The following SMURF2 variants were observed in gnomAD, a reference collection of about 807,000 sequenced individuals.
The protein encoded by SMURF2 is E3 ubiquitin-protein ligase SMURF2.
Under a neutral mutation model 109.6 loss-of-function variants are expected in SMURF2, and 48 were observed. The observed-to-expected ratio is 0.44, with a 90% CI of 0.35 to 0.56. The LOEUF is 0.56. Among genes scored for constraint, SMURF2 ranks in the 20% least tolerant of loss-of-function variants. The probability of loss-of-function intolerance (pLI) is 0.01; values close to 1 mark genes in which losing one functional copy is unlikely to be tolerated. For synonymous variants in SMURF2, 288 were observed against 317.1 expected, an observed-to-expected ratio of 0.91 and a Z score of 0.97; for missense variants, 575 against 909.0, an observed-to-expected ratio of 0.63 and a Z score of 4.72.
chr17:64,546,661 A>G (rs570636451), intron 17 of SMURF2, among the ~76,000 whole-genome samples: 3 of 152,248 alleles, frequency 2.0e-5, no homozygotes, highest in African/African-American at 4.8e-5. Flanking sequence ...GGCAAATCCA[A>G]GGTAAAATAC....
chr17:64,599,361 T>G (rs1969861683), intron 2 of SMURF2, among the ~76,000 whole-genome samples: 1 of 152,210 alleles, frequency 6.6e-6, no homozygotes, highest in African/African-American at 2.4e-5. Context: ...ACCTCTTATT[T>G]ACTACGTGGT....
At chr17:64,658,580 T>C (rs545231713) in intron 1 of SMURF2, among the ~76,000 whole-genome samples, 1 of 152,332 alleles carries the variant, frequency 6.6e-6, no homozygotes, top group Non-Finnish European at 1.5e-5. Flanking sequence ...AGAAGCAGCA[T>C]ACAAAAACAT....
chr17:64,578,592 A>ACAC lies in SMURF2; in HGVS notation c.773-19_773-17dup. ...GTCCTCTGTTCTGTAAAATTAATAA[A>ACAC]CACTGATAACAAAAACATTCAGAGT... On this transcript the variant is annotated splice_polypyrimidine_tract_variant and intron_variant, in intron 8 of 18. Transcript: ENST00000262435. 1 of 1,555,596 alleles carries ACAC rather than the reference A, an allele frequency of 6.4e-7. No homozygotes were observed. The highest frequency in any genetic ancestry group is 8.9e-7 in the Non-Finnish European group (1 of 1,126,936).
chr17:64,658,280 C>T (rs1026838134), intron 1 of SMURF2, among the ~76,000 whole-genome samples: 2 of 152,074 alleles, frequency 1.3e-5, no homozygotes, highest in Non-Finnish European at 2.9e-5. Flanking sequence ...TCACTTGAAC[C>T]CGGGAGGTGG....
intron 8 of SMURF2, among the ~76,000 whole-genome samples, chr17:64,580,284 T>C (rs576625751): frequency 6.6e-6 from 1 of 152,338 alleles, no homozygotes; most frequent in Non-Finnish European, 1.5e-5. Flanking sequence ...ATTGTAATCA[T>C]TTTATACAAA....
chr17:64,662,088 C>A lies in SMURF2; in HGVS notation c.-208G>T. 1.2e-5 allele frequency: 13 copies of A among 1,074,778 alleles called. No individual in the cohort carries two copies. The highest frequency in any genetic ancestry group is 1.5e-5 in the Non-Finnish European group (13 of 887,952). The allele number at this position is 1,074,778 out of a possible 1,614,324, so 66.6% of individuals were successfully genotyped here. On this transcript the variant is annotated 5_prime_UTR_variant, in exon 1 of 19. Coordinates refer to ENST00000262435, the MANE Select transcript of SMURF2 (RefSeq NM_022739.4). ...CTCCCCCCTCCTCCCACTTCTCCTT[C>A]CTCGGCCCGGGCCGCACAACAAAGC...
intron 7 of SMURF2, among the ~76,000 whole-genome samples, chr17:64,582,953 C>T (rs545118369): frequency 7.3e-5 from 11 of 151,670 alleles, no homozygotes; most frequent in Non-Finnish European, 1.3e-4. Flanking sequence ...GGTTAGAGTG[C>T]ACGGGCACGA....
chr17:64,551,361 A>G (rs1454743851), intron 16 of SMURF2, among the ~76,000 whole-genome samples: 1 of 152,072 alleles, frequency 6.6e-6, no homozygotes, highest in African/African-American at 2.4e-5. Context: ...TGTCTCAGAA[A>G]AAAAAAAAGA....
intron 10 of SMURF2, among the ~76,000 whole-genome samples, chr17:64,565,879 T>G (rs1437089045): frequency 6.6e-6 from 1 of 151,386 alleles, no homozygotes; most frequent in Non-Finnish European, 1.5e-5. Flanking sequence ...AAAAAAAAAC[T>G]GACTAAAATG....
rs200301288 is a variant in SMURF2, at chr17:64,636,032, C to T, written c.52+25797G>A. On this transcript the variant is annotated intron_variant, in intron 1 of 18. Transcript: ENST00000262435. ...CTTCTAGTGGTCGTGAAGTAGTATCCCATTGTGGTTTTCATTTTCATTTCC... is the reference window on the plus strand; with the variant it reads ...CTTCTAGTGGTCGTGAAGTAGTATCTCATTGTGGTTTTCATTTTCATTTCC... Among the ~76,000 whole-genome samples, 7 of 152,164 alleles carry T rather than the reference C, an allele frequency of 4.6e-5. No individual in the cohort carries two copies. In the East Asian group the frequency reaches 1.4e-3, roughly 29 times the overall value.
chr17:64,556,641 T>TTAC (rs1555684069), intron 13 of SMURF2, among the ~76,000 whole-genome samples: 1 of 152,228 alleles, frequency 6.6e-6, no homozygotes, highest in Non-Finnish European at 1.5e-5. Context: ...TGGGCTATTG[T>TTAC]TACTACAGGG....
intron 3 of SMURF2, chr17:64,594,197 C>G (rs1555687905): frequency 6.6e-6 from 1 of 152,160 alleles, no homozygotes; most frequent in Non-Finnish European, 1.5e-5. Flanking sequence ...CAATTGTTAA[C>G]ATGGCATCAA....
At chr17:64,566,290 AAATT>A (rs1265822651) in intron 10 of SMURF2, among the ~76,000 whole-genome samples, 3 of 147,002 alleles carry the variant, frequency 2.0e-5, no homozygotes, top group Non-Finnish European at 4.6e-5. Context: ...GTATCTCAAT[AAATT>A]GTTTCACATA....
In SMURF2 at chr17:64,566,561, G is replaced by GTTT. The variant is rs1164717270; in HGVS notation, c.1017-3598_1017-3596dup. Among the ~76,000 whole-genome samples, 244 of 43,794 alleles carry GTTT rather than the reference G, an allele frequency of 5.6e-3. 57 individuals are homozygous for GTTT. The highest frequency in any genetic ancestry group is 0.036 in the East Asian group (40 of 1,116). The allele number at this position is 43,794 out of a possible 152,430, so 28.7% of individuals were successfully genotyped here. A position where few individuals can be genotyped will look rare whatever the true frequency, so the allele number is the denominator to read the frequency against. ...GATGTAGAAATGCTTAAGCTTTCTG[G>GTTT]TTTTTTTTTTTTTTTTTTTTTTTTT... On this transcript the variant is annotated intron_variant, in intron 10 of 18. Transcript: ENST00000262435.
At position 64,662,157 on chromosome 17, in the gene SMURF2, G is replaced by T. The variant is rs1970792846; in HGVS notation, c.-277C>A. The T allele has an allele frequency of 9.7e-7, 1 of 1,034,210 alleles. No individual in the cohort carries two copies. The highest frequency in any genetic ancestry group is 1.7e-5 in the African/African-American group (1 of 58,032). The allele number at this position is 1,034,210 out of a possible 1,614,324, so 64.1% of individuals were successfully genotyped here. ...CGCCGCCTCCGCCCGCGCCCCCGCCGCCTCCTCGCGGCCGCCGAGGCCTTT... is the reference window on the plus strand; with the variant it reads ...CGCCGCCTCCGCCCGCGCCCCCGCCTCCTCCTCGCGGCCGCCGAGGCCTTT... On this transcript the variant is annotated 5_prime_UTR_variant, in exon 1 of 19. Transcript: ENST00000262435.
intron 1 of SMURF2, among the ~76,000 whole-genome samples, chr17:64,633,977 C>T (rs535765761): frequency 6.6e-6 from 1 of 152,056 alleles, no homozygotes; most frequent in Admixed American, 6.6e-5. Flanking sequence ...GCCAACATGG[C>T]GAAACTGTCT....
In SMURF2 at chr17:64,575,153, T is replaced by C. The variant is rs1969471473; in HGVS notation, c.858-3197A>G. Among the ~76,000 whole-genome samples the C allele has an allele frequency of 4.0e-5, 6 of 151,886 alleles. No homozygotes were observed. The South Asian group carries it at 1.2e-3, about 32-fold the overall frequency. On this transcript the variant is annotated intron_variant, in intron 9 of 18. Coordinates refer to ENST00000262435, the MANE Select transcript of SMURF2 (RefSeq NM_022739.4). The stretch of plus-strand genomic sequence containing the variant: ...AGTAAAATTTCCTCCCCACTACTTT[T>C]TATCTATTTATTTTTTTAGAGATGG...
chr17:64,636,809 A>T (rs1970423115), intron 1 of SMURF2, among the ~76,000 whole-genome samples: 1 of 151,616 alleles, frequency 6.6e-6, no homozygotes, highest in Non-Finnish European at 1.5e-5. Flanking sequence ...AGAGTTCTTT[A>T]TATATTCTGT....
At chr17:64,642,980 A>G (rs1405757870) in intron 1 of SMURF2, among the ~76,000 whole-genome samples, 1 of 152,002 alleles carries the variant, frequency 6.6e-6, no homozygotes, top group Non-Finnish European at 1.5e-5. Flanking sequence ...TATGTTTTGT[A>G]GAGACGGAGT....
Sources: gnomAD v4.1 joint callset for allele counts (sites outside exome capture counted in the v4.1 genomes callset) on GRCh38, gnomAD v4.1.1 for gene constraint, MANE v1.5 for transcripts, NCBI Gene and HGNC (gene_info 2026-07-23, HGNC 2026-07-21) for gene names.